The following WDR19 variants were observed in gnomAD, a reference collection of about 807,000 sequenced individuals.
WDR19 encodes WD repeat domain 19.
In WDR19, 121 loss-of-function variants were observed where a neutral mutation model predicts 180.0. The ratio of observed to expected loss-of-function variants is 0.67; its 90% CI spans 0.58 to 0.78. WDR19 has a LOEUF of 0.78. WDR19 is among the 30% of genes least tolerant of loss of function. The pLI, the probability that WDR19 is intolerant of heterozygous loss-of-function variation, is 0.00. For synonymous variants in WDR19, 497 were observed against 540.7 expected, an observed-to-expected ratio of 0.92 and a Z score of 1.12; for missense variants, 1,450 against 1,640.7, an observed-to-expected ratio of 0.88 and a Z score of 2.01.
chr4:39,260,454 C>T (rs536608043), intron 28 of WDR19, among the ~76,000 whole-genome samples: 5 of 151,680 alleles, frequency 3.3e-5, no homozygotes, highest in African/African-American at 9.7e-5. Context: ...TCTCCTGCCT[C>T]GGCCTCCAGC....
Position 39,255,994 on chromosome 4 carries a change from C to T in WDR19, c.3114+34C>T, listed in dbSNP as rs768762821. On this transcript the variant is annotated intron_variant, in intron 27 of 36. Transcript: ENST00000399820. ...TTGCCAAGAAAATATACACTGACTC[C>T]GCAGGAATAATTGTAGGAAATATAC... The T allele has an allele frequency of 2.1e-5, 19 of 905,700 alleles. No individual in the cohort carries two copies. In the Admixed American group the frequency reaches 2.6e-4, roughly 12 times the overall value. 56.1% of individuals were successfully genotyped at this position (905,700 alleles called of 1,614,324 possible). A position where few individuals can be genotyped will look rare whatever the true frequency, so the allele number is the denominator to read the frequency against.
chr4:39,281,263 A>AGAGAGAGAGAGAGAGAGAGAGAGAGAGAG (rs57108177), intron 36 of WDR19, among the ~76,000 whole-genome samples: 4 of 147,166 alleles, frequency 2.7e-5, no homozygotes, highest in Admixed American at 6.7e-5. Flanking sequence ...AGAGAGAGAG[A>AGAGAGAGAGAGAGAGAGAGAGAGAGAGAG]AAGCCTACTA....
intron 17 of WDR19, among the ~76,000 whole-genome samples, chr4:39,230,681 A>G (rs751298049): frequency 1.6e-4 from 24 of 152,238 alleles, no homozygotes; most frequent in African/African-American, 4.1e-4. Context: ...ACCTTCCCCA[A>G]TTGTGACTGC....
Position 39,266,048 on chromosome 4 carries a change from T to C in WDR19, c.3184-15T>C, listed in dbSNP as rs1734757728. ...AGATGCTGAATTTGCTGGGTTTTTC[T>C]CTCTTATTAAACAGGTTGGTCAGGC... On this transcript the variant is annotated splice_polypyrimidine_tract_variant and intron_variant, in intron 28 of 36. Transcript: ENST00000399820. The C allele has an allele frequency of 1.3e-6, 2 of 1,551,704 alleles. No individual in the cohort carries two copies. Among genetic ancestry groups the C allele is most frequent in the African/African-American group, 2.7e-5 (2 of 73,052 alleles).
At chr4:39,185,935 G>A in intron 2 of WDR19, 118 bp downstream of exon 2, 1 of 866,264 alleles carries the variant, frequency 1.2e-6, no homozygotes, top group Non-Finnish European at 1.7e-6. Flanking sequence ...TAGCTTTGTT[G>A]CCCAGGATGG....
rs564459344 is a variant in WDR19, at chr4:39,258,449, C to T, written c.3183+895C>T. Among the ~76,000 whole-genome samples the T allele has an allele frequency of 7.2e-5, 11 of 152,300 alleles. No homozygotes were observed. In the East Asian group the frequency reaches 1.4e-3, roughly 19 times the overall value. On this transcript the variant is annotated intron_variant, in intron 28 of 36. Coordinates refer to ENST00000399820, the MANE Select transcript of WDR19 (RefSeq NM_025132.4). Reference sequence around the variant, plus strand: ...TACAGGTGTGAGCCACTGCACCCAGCCCAGCAATAGGTCATTCTTCTTCAT... The same window carrying T: ...TACAGGTGTGAGCCACTGCACCCAGTCCAGCAATAGGTCATTCTTCTTCAT...
At chr4:39,210,665 C>A (rs1029193927) in intron 9 of WDR19, among the ~76,000 whole-genome samples, 8 of 152,056 alleles carry the variant, frequency 5.3e-5, no homozygotes, top group African/African-American at 1.9e-4. Flanking sequence ...CAGAGCAAGA[C>A]CCTGTCTCAA....
intron 9 of WDR19, 195 bp downstream of exon 9, chr4:39,205,931 A>ATTTTTT: frequency 1.8e-6 from 1 of 562,754 alleles, no homozygotes; most frequent in Admixed American, 3.3e-5. Context: ...CTTAAAAATA[A>ATTTTTT]AATAGGTAGT....
intron 15 of WDR19, among the ~76,000 whole-genome samples, chr4:39,226,827 C>T (rs577098032): frequency 9.2e-5 from 14 of 152,170 alleles, no homozygotes; most frequent in East Asian, 5.8e-4. Flanking sequence ...AGATAAAAAA[C>T]GAACAGATGA....
chr4:39,213,683 C>T (rs1728762615), intron 9 of WDR19, among the ~76,000 whole-genome samples: 1 of 152,160 alleles, frequency 6.6e-6, no homozygotes, highest in Non-Finnish European at 1.5e-5. Context: ...TCATGAATCT[C>T]ATGTGTGAGA....
At chr4:39,260,994 G>A (rs1734232958) in intron 28 of WDR19, among the ~76,000 whole-genome samples, 2 of 151,798 alleles carry the variant, frequency 1.3e-5, no homozygotes, top group Admixed American at 6.6e-5. Context: ...ATATTTTTTT[G>A]GTCTCTTTTT....
At chr4:39,260,032 C>T (rs924204441) in intron 28 of WDR19, among the ~76,000 whole-genome samples, 1 of 151,930 alleles carries the variant, frequency 6.6e-6, no homozygotes, top group Non-Finnish European at 1.5e-5. Flanking sequence ...CATCTCCCTT[C>T]CCCTCCCTTA....
At position 39,266,125 on chromosome 4, in the gene WDR19, C is replaced by T. The variant is rs754161203; in HGVS notation, c.3246C>T (p.Asn1082=). 37 of 1,562,770 alleles carry T rather than the reference C, an allele frequency of 2.4e-5. 1 individual carries two copies. The highest frequency in any genetic ancestry group is 4.8e-5 in the East Asian group (2 of 41,922). ...NQLIDHLLGE[N]DGMPKDAKYL... ...TGATAGACCATCTCCTGGGGGAGAA[C>T]GATGGCATGCCTAAGGTACTGAACA... The change falls in exon 29 of 37, where the codon AAC becomes AAT. Residue 1082 remains asparagine, a synonymous_variant. Transcript: ENST00000399820.
intron 15 of WDR19, among the ~76,000 whole-genome samples, chr4:39,225,704 A>C (rs1281815484): frequency 6.6e-6 from 1 of 152,032 alleles, no homozygotes; most frequent in Non-Finnish European, 1.5e-5. Flanking sequence ...CCTAGGTCTC[A>C]CTGTGTTGTC....
intron 2 of WDR19, 142 bp downstream of exon 2, chr4:39,185,959 G>A: frequency 7.4e-6 from 5 of 672,612 alleles, no homozygotes; most frequent in Non-Finnish European, 9.4e-6. Flanking sequence ...GCAGTGGCAC[G>A]ATCTCAGCTT....
chr4:39,271,217 T>C (rs1735341463), intron 31 of WDR19, among the ~76,000 whole-genome samples: 1 of 152,220 alleles, frequency 6.6e-6, no homozygotes. Flanking sequence ...TTTTTAAAAA[T>C]TCGTCCTTTA....
intron 24 of WDR19, 102 bp downstream of exon 24, chr4:39,245,554 G>C (rs1732435635): frequency 2.5e-6 from 3 of 1,198,652 alleles, no homozygotes; most frequent in Admixed American, 2.1e-5. Flanking sequence ...ACCAGAGAAA[G>C]ACAGAAAACA....
chr4:39,186,213 C>G (rs948620068), intron 2 of WDR19, among the ~76,000 whole-genome samples: 2 of 152,080 alleles, frequency 1.3e-5, no homozygotes, highest in Non-Finnish European at 2.9e-5. Flanking sequence ...GGTGCAGTGG[C>G]TCATGCCAAT....
At chr4:39,266,872 T>G (rs555118597) in intron 29 of WDR19, among the ~76,000 whole-genome samples, 1 of 152,278 alleles carries the variant, frequency 6.6e-6, no homozygotes, top group South Asian at 2.1e-4. Context: ...TCACTTGAGG[T>G]CAGGAGTTGG....
Sources: gnomAD v4.1 joint callset for allele counts (sites outside exome capture counted in the v4.1 genomes callset) on GRCh38, gnomAD v4.1.1 for gene constraint, MANE v1.5 for transcripts, NCBI Gene and HGNC (gene_info 2026-07-23, HGNC 2026-07-21) for gene names.